DAB2IP: variants seen among roughly 807,000 people sequenced by gnomAD.
DAB2IP encodes the protein disabled homolog 2-interacting protein.
DAB2IP carries 28 observed loss-of-function variants against 107.2 expected under a neutral mutation model. That is an observed-to-expected ratio of 0.26 (90% CI 0.19 to 0.36). The LOEUF is 0.36. DAB2IP is among the 10% of genes least tolerant of loss of function. The pLI, the probability that DAB2IP is intolerant of heterozygous loss-of-function variation, is 1.00. For missense variants in DAB2IP, 1,400 were observed against 1,644.7 expected, an observed-to-expected ratio of 0.85 and a Z score of 2.57; for synonymous variants, 755 against 706.4, an observed-to-expected ratio of 1.07 and a Z score of -1.09.
At chr9:121,636,825 G>T (rs1832107332) in intron 1 of DAB2IP, among the ~76,000 whole-genome samples, 1 of 152,168 alleles carries the variant, frequency 6.6e-6, no homozygotes, top group Admixed American at 6.5e-5. Flanking sequence ...AGTTTACCAG[G>T]CAGCTTCCTG....
At chr9:121,661,241 C>T (rs951675236) in intron 1 of DAB2IP, among the ~76,000 whole-genome samples, 6 of 148,188 alleles carry the variant, frequency 4.0e-5, no homozygotes, top group South Asian at 2.1e-4. Flanking sequence ...TGCAGGGGAT[C>T]GATTATTTGG....
chr9:121,605,645 C>T (rs189474248), intron 1 of DAB2IP, among the ~76,000 whole-genome samples: 16 of 152,176 alleles, frequency 1.1e-4, no homozygotes, highest in African/African-American at 3.4e-4. Flanking sequence ...GGACTACAGG[C>T]GCTTGCCGTC....
At chr9:121,641,790 G>A (rs7020463) in intron 1 of DAB2IP, among the ~76,000 whole-genome samples, 3 of 137,116 alleles carry the variant, frequency 2.2e-5, no homozygotes, top group Non-Finnish European at 3.3e-5. Flanking sequence ...CTGCCTGCCT[G>A]CCTGCCTACC....
intron 3 of DAB2IP, among the ~76,000 whole-genome samples, chr9:121,708,041 T>TG (rs1830148733): frequency 6.6e-6 from 1 of 152,218 alleles, no homozygotes; most frequent in South Asian, 2.1e-4. Context: ...TGCAGATTCT[T>TG]GGACTCCACC....
intron 14 of DAB2IP, among the ~76,000 whole-genome samples, chr9:121,780,832 A>G (rs1259084216): frequency 6.6e-6 from 1 of 152,082 alleles, no homozygotes; most frequent in African/African-American, 2.4e-5. Flanking sequence ...GCTACTGCTC[A>G]TTGTTCTGCC....
At chr9:121,579,455 C>A (rs1001467177) in intron 1 of DAB2IP, among the ~76,000 whole-genome samples, 1 of 152,128 alleles carries the variant, frequency 6.6e-6, no homozygotes, top group Non-Finnish European at 1.5e-5. Flanking sequence ...CTCTGCAGTC[C>A]CCACCATCCC....
upstream of DAB2IP, among the ~76,000 whole-genome samples, chr9:121,648,866 G>T (rs1169187489): frequency 2.0e-5 from 3 of 152,132 alleles, no homozygotes; most frequent in African/African-American, 7.2e-5. Flanking sequence ...AGGAAGCAGT[G>T]GTAGCAATGG....
rs1330945512 is a variant in DAB2IP, at chr9:121,776,901, G to A, written c.3314+510G>A. 6.6e-6 allele frequency among the ~76,000 whole-genome samples: 1 copy of A among 152,188 alleles called. No individual in the cohort carries two copies. Among genetic ancestry groups the A allele is most frequent in the African/African-American group, 2.4e-5 (1 of 41,442 alleles). ...GGAACTGTTAAGAGGAGTGGTTTGAGTGGGGAGGGAGAGGGGGATGGTGCC... is the reference window on the plus strand; with the variant it reads ...GGAACTGTTAAGAGGAGTGGTTTGAATGGGGAGGGAGAGGGGGATGGTGCC... On this transcript the variant is annotated intron_variant, in intron 14 of 15. Coordinates refer to ENST00000408936, the Ensembl canonical transcript of DAB2IP. The surrounding 1 kb of genome is among the most constrained non-coding windows in gnomAD (Gnocchi z 5.4).
At chr9:121,703,360 C>T (rs1829882067) in intron 3 of DAB2IP, among the ~76,000 whole-genome samples, 1 of 152,092 alleles carries the variant, frequency 6.6e-6, no homozygotes, top group African/African-American at 2.4e-5. Context: ...GCCCTTGTTC[C>T]CTCCCCTACT....
chr9:121,654,306 A>ACTGT (rs1832885620), intron 1 of DAB2IP, among the ~76,000 whole-genome samples: 1 of 152,070 alleles, frequency 6.6e-6, no homozygotes, highest in East Asian at 1.9e-4. Context: ...GGTGGGGAAG[A>ACTGT]GCAGGCAACA....
intron 1 of DAB2IP, among the ~76,000 whole-genome samples, chr9:121,660,677 T>C (rs916349117): frequency 1.3e-5 from 2 of 152,210 alleles, no homozygotes; most frequent in African/African-American, 4.8e-5. Flanking sequence ...TGCAGCGAGT[T>C]TCCCATAACA....
intron 1 of DAB2IP, among the ~76,000 whole-genome samples, chr9:121,609,519 A>G (rs1309988601): frequency 6.6e-6 from 1 of 152,184 alleles, no homozygotes; most frequent in Non-Finnish European, 1.5e-5. Flanking sequence ...TGATTGTTCC[A>G]GCAACACTGA....
At chr9:121,693,976 G>C (rs925523441) in intron 2 of DAB2IP, among the ~76,000 whole-genome samples, 3 of 152,164 alleles carry the variant, frequency 2.0e-5, no homozygotes, top group Non-Finnish European at 4.4e-5. Context: ...CTGCCTCCTC[G>C]GCTGGGAGTG....
intron 1 of DAB2IP, among the ~76,000 whole-genome samples, chr9:121,595,952 T>G (rs1830520639): frequency 6.6e-6 from 1 of 152,060 alleles, no homozygotes; most frequent in Admixed American, 6.6e-5. Flanking sequence ...TTTGGGAGGC[T>G]GGGGCGGGAG....
upstream of DAB2IP, among the ~76,000 whole-genome samples, chr9:121,648,502 T>C (rs1394663742): frequency 6.6e-6 from 1 of 151,932 alleles, no homozygotes; most frequent in African/African-American, 2.4e-5. Flanking sequence ...GAGTTCGCCT[T>C]GGGAGGCTTT....
intron 1 of DAB2IP, among the ~76,000 whole-genome samples, chr9:121,591,287 A>G (rs367922656): frequency 5.3e-5 from 8 of 152,282 alleles, no homozygotes; most frequent in African/African-American, 1.9e-4. Flanking sequence ...TGGCCAACAT[A>G]GTGAAACCCT....
exon 12 of DAB2IP, chr9:121,773,255 C>G (rs1156704184): frequency 6.5e-7 from 1 of 1,544,258 alleles, no homozygotes; most frequent in South Asian, 1.2e-5. Context: ...CACGGCAGAA[C>G]AGTGCTGGCC....
At position 121,684,441 on chromosome 9, in the gene DAB2IP, C is replaced by T. The variant is rs1051991684; in HGVS notation, c.228+5660C>T. On this transcript the variant is annotated intron_variant, in intron 2 of 15. Transcript: ENST00000408936. This position sits in a 1 kb window ranked among gnomAD's most constrained non-coding sequence, Gnocchi z 4.0. ...ATCAGCCACCCCGTCTGAGCTGAGC[C>T]CTTCTCCCAGCCCCCATCACATTTC... Among the ~76,000 whole-genome samples the T allele has an allele frequency of 2.6e-5, 4 of 152,168 alleles. No homozygotes were observed. The highest frequency in any genetic ancestry group is 6.5e-5 in the Admixed American group (1 of 15,288).
At chr9:121,767,305 G>T (rs140454453) in intron 9 of DAB2IP, among the ~76,000 whole-genome samples, 1 of 152,258 alleles carries the variant, frequency 6.6e-6, no homozygotes, top group Non-Finnish European at 1.5e-5. Flanking sequence ...GGCCATCTGT[G>T]TGCTGGGCTC....
Sources: gnomAD v4.1 joint callset for allele counts (sites outside exome capture counted in the v4.1 genomes callset) on GRCh38, gnomAD v4.1.1 for gene constraint, Gnocchi (gnomAD v3.1) non-coding constraint, MANE v1.5 for transcripts, NCBI Gene and HGNC (gene_info 2026-07-23, HGNC 2026-07-21) for gene names.